The following SV2C variants were observed in gnomAD, a reference collection of about 807,000 sequenced individuals.
SV2C encodes the protein synaptic vesicle glycoprotein 2C.
Under a neutral mutation model 79.7 loss-of-function variants are expected in SV2C, and 49 were observed. That is an observed-to-expected ratio of 0.61 (90% CI 0.49 to 0.78). The LOEUF (loss-of-function observed/expected upper bound fraction) is 0.78, where lower values mean the gene tolerates loss of function less well. Among genes scored for constraint, SV2C ranks in the 30% least tolerant of loss-of-function variants. SV2C has a pLI of 0.00. For missense variants in SV2C, 833 were observed against 912.9 expected (o/e 0.91, Z 1.13); for synonymous variants, 334 against 333.2 (o/e 1.00, Z -0.03).
the SV2C span, among the ~76,000 whole-genome samples, chr5:75,918,151 A>G: frequency 1.3e-5 from 2 of 152,222 alleles, no homozygotes; most frequent in Non-Finnish European, 2.9e-5. Context: ...TGAACAAATA[A>G]TATGTTAAGT....
intron 4 of SV2C, among the ~76,000 whole-genome samples, chr5:76,265,981 A>G (rs1746641795): frequency 6.6e-6 from 1 of 152,000 alleles, no homozygotes; most frequent in East Asian, 1.9e-4. Flanking sequence ...AATCTACAAA[A>G]CAGGCTATGG....
intron 12 of SV2C, among the ~76,000 whole-genome samples, chr5:76,341,873 G>T (rs1016655925): frequency 6.6e-6 from 1 of 152,086 alleles, no homozygotes; most frequent in African/African-American, 2.4e-5. Flanking sequence ...GTGGGGAGGG[G>T]GTGGAACCTT....
the SV2C span, among the ~76,000 whole-genome samples, chr5:75,994,959 A>G: frequency 6.6e-6 from 1 of 152,192 alleles, no homozygotes; most frequent in Non-Finnish European, 1.5e-5. Flanking sequence ...CCTGATAACT[A>G]GGAGACTAGT....
At chr5:76,033,534 G>A in the SV2C span, among the ~76,000 whole-genome samples, 2 of 152,102 alleles carry the variant, frequency 1.3e-5, no homozygotes, top group Admixed American at 6.5e-5. Flanking sequence ...TTTTTCTCAG[G>A]TTTGTCAAAG....
At position 76,298,821 on chromosome 5, in the gene SV2C, A is replaced by T; in HGVS notation, c.1530A>T (p.Val510=). ...TCATAGGGGTCAAGTTCAAATCTGT[A>T]ACTTTCAAAGACTCTGTTTTTAAGT... ...GRFIGVKFKS[V]TFKDSVFKSC... is the part of the protein sequence containing the mutation. The change falls in exon 10 of 13, where the codon GTA becomes GTT. Residue 510 remains valine (V), a synonymous_variant. Coordinates refer to ENST00000502798, the MANE Select transcript of SV2C (RefSeq NM_014979.4). 6.2e-7 allele frequency: 1 copy of T among 1,613,948 alleles called. No homozygotes were observed. The highest frequency in any genetic ancestry group is 8.5e-7 in the Non-Finnish European group (1 of 1,179,866).
At chr5:76,286,560 G>C (rs1171091612) in intron 6 of SV2C, 1 of 152,038 alleles carries the variant, frequency 6.6e-6, no homozygotes, top group Non-Finnish European at 1.5e-5. Context: ...TAATAAGTGA[G>C]AAAACAATTA....
the SV2C span, among the ~76,000 whole-genome samples, chr5:75,984,559 ATCTATCTATATCTATCTATCTATCTATC>A: frequency 3.0e-5 from 3 of 99,608 alleles, no homozygotes; most frequent in Middle Eastern, 6.0e-3. Flanking sequence ...CTATCTATCT[ATCTATCTATATCTATCTATCTATCTATC>A]TATCTATCTA....
At chr5:76,032,282 G>T in the SV2C span, among the ~76,000 whole-genome samples, 1 of 151,466 alleles carries the variant, frequency 6.6e-6, no homozygotes, top group Admixed American at 6.6e-5. Context: ...TAAGTTTTAG[G>T]GTACATGTGC....
chr5:76,197,854 T>G (rs1744319880), intron 3 of SV2C, among the ~76,000 whole-genome samples: 1 of 152,118 alleles, frequency 6.6e-6, no homozygotes, highest in African/African-American at 2.4e-5. Context: ...AGTATAAGTT[T>G]GAAGGCCTCA....
At chr5:76,224,748 C>T (rs534538828) in intron 4 of SV2C, among the ~76,000 whole-genome samples, 1 of 152,238 alleles carries the variant, frequency 6.6e-6, no homozygotes. Context: ...GGAGTACTCC[C>T]TTAATTTGCC....
intron 1 of SV2C, among the ~76,000 whole-genome samples, chr5:76,118,396 A>T (rs1302352877): frequency 6.6e-6 from 1 of 152,176 alleles, no homozygotes; most frequent in African/African-American, 2.4e-5. Flanking sequence ...ATAAGGTCAC[A>T]TTCACAGGTT....
At chr5:76,242,465 G>A in intron 4 of SV2C, 1 of 550,640 alleles carries the variant, frequency 1.8e-6, no homozygotes. Context: ...TGTGATTACA[G>A]GCATGAACCA....
intron 4 of SV2C, among the ~76,000 whole-genome samples, chr5:76,254,005 G>A (rs1013068589): frequency 6.6e-6 from 1 of 151,942 alleles, no homozygotes; most frequent in Admixed American, 6.6e-5. Flanking sequence ...CATTGTCTGG[G>A]TGCAGGAGCT....
intron 4 of SV2C, among the ~76,000 whole-genome samples, chr5:76,239,854 A>G (rs1050419444): frequency 2.6e-5 from 4 of 152,188 alleles, no homozygotes; most frequent in African/African-American, 9.7e-5. Flanking sequence ...TATGAATCCC[A>G]GGTGATGTGG....
At chr5:76,220,731 C>T (rs916511885) in intron 4 of SV2C, among the ~76,000 whole-genome samples, 1 of 151,940 alleles carries the variant, frequency 6.6e-6, no homozygotes, top group Non-Finnish European at 1.5e-5. Context: ...TGGATAGAGG[C>T]AGTCCGGGGC....
At chr5:76,204,052 T>G (rs1258494856) in intron 3 of SV2C, among the ~76,000 whole-genome samples, 1 of 152,196 alleles carries the variant, frequency 6.6e-6, no homozygotes, top group Non-Finnish European at 1.5e-5. Flanking sequence ...GTGTTAGGTG[T>G]GTGCTCTTTC....
At chr5:75,925,696 C>G in the SV2C span, among the ~76,000 whole-genome samples, 1 of 151,380 alleles carries the variant, frequency 6.6e-6, no homozygotes, top group Non-Finnish European at 1.5e-5. Context: ...TTAATATTTT[C>G]TATATTATGT....
intron 1 of SV2C, among the ~76,000 whole-genome samples, chr5:76,103,706 A>T (rs1036538247): frequency 2.6e-5 from 4 of 152,232 alleles, no homozygotes; most frequent in African/African-American, 9.6e-5. Flanking sequence ...GACTGTTTGT[A>T]TGCATTATCT....
chr5:76,111,553 C>G (rs751610525), intron 1 of SV2C, among the ~76,000 whole-genome samples: 4 of 152,084 alleles, frequency 2.6e-5, no homozygotes, highest in Non-Finnish European at 4.4e-5. Context: ...TAATTAGATT[C>G]CATTGCTGCC....
Sources: allele counts gnomAD v4.1 joint callset (sites outside exome capture counted in the v4.1 genomes callset), GRCh38; gene constraint gnomAD v4.1.1; transcripts MANE v1.5; gene names NCBI Gene and HGNC (gene_info 2026-07-23, HGNC 2026-07-21).